Variants in BBS9 observed in about 807,000 individuals in gnomAD.
BBS9 encodes the protein Bardet-Biedl syndrome 9, also known as protein PTHB1.
A neutral mutation model predicts 117.7 loss-of-function variants in BBS9; 89 were observed. The observed-to-expected ratio is 0.76, with a 90% CI of 0.64 to 0.90. BBS9 has a LOEUF of 0.90. BBS9 is among the 40% of genes least tolerant of loss of function. The probability of loss-of-function intolerance (pLI) is 0.00; values close to 1 mark genes in which losing one functional copy is unlikely to be tolerated. For synonymous variants in BBS9, 379 were observed against 370.9 expected (o/e 1.02, Z -0.25); for missense variants, 982 against 1,042.2 (o/e 0.94, Z 0.80).
chr7:33,173,565 C>G (rs534811073), intron 4 of BBS9, among the ~76,000 whole-genome samples: 151 of 146,544 alleles, frequency 1.0e-3, no homozygotes, highest in Non-Finnish European at 1.6e-3. Context: ...GAGCGAGACT[C>G]CATCCTAAAA....
At chr7:33,543,404 G>C (rs777297640) in intron 21 of BBS9, among the ~76,000 whole-genome samples, 3 of 151,904 alleles carry the variant, frequency 2.0e-5, no homozygotes, top group Non-Finnish European at 4.4e-5. Context: ...CCACTCTGTG[G>C]GTTGTCTGTT....
chr7:33,563,636 T>G (rs959248802), intron 21 of BBS9, among the ~76,000 whole-genome samples: 2 of 152,212 alleles, frequency 1.3e-5, no homozygotes, highest in African/African-American at 4.8e-5. Flanking sequence ...TTTACGCATT[T>G]CAAAAGCAAC....
intron 19 of BBS9, among the ~76,000 whole-genome samples, chr7:33,410,238 C>G (rs974546397): frequency 2.4e-4 from 36 of 152,270 alleles, no homozygotes; most frequent in Admixed American, 2.2e-3. Flanking sequence ...TTCATGTTCC[C>G]TGTTCTCTTT....
intron 19 of BBS9, among the ~76,000 whole-genome samples, chr7:33,504,038 A>C (rs1286386644): frequency 6.6e-6 from 1 of 152,198 alleles, no homozygotes; most frequent in African/African-American, 2.4e-5. Context: ...GTTTCTTCCC[A>C]CTAATTGGCT....
intron 19 of BBS9, among the ~76,000 whole-genome samples, chr7:33,429,955 C>A (rs12668971): frequency 0.34 from 51,079 of 151,914 alleles, 9,663 homozygotes; most frequent in African/African-American, 0.51. Context: ...TCTAAGCCTG[C>A]ATTAGCTTGT....
intron 1 of BBS9, among the ~76,000 whole-genome samples, chr7:33,145,284 A>G (rs1010012647): frequency 2.0e-5 from 3 of 152,202 alleles, no homozygotes; most frequent in Non-Finnish European, 4.4e-5. Flanking sequence ...AAATAAATGA[A>G]CTGTTGTAGA....
chr7:33,285,220 A>G (rs1352269889), intron 9 of BBS9, among the ~76,000 whole-genome samples: 1 of 152,156 alleles, frequency 6.6e-6, no homozygotes, highest in Non-Finnish European at 1.5e-5. Flanking sequence ...TCTGGTTCAT[A>G]TAGAACTTGG....
chr7:33,321,832 A>G (rs145947000), intron 9 of BBS9, among the ~76,000 whole-genome samples: 131 of 152,158 alleles, frequency 8.6e-4, no homozygotes, highest in African/African-American at 2.9e-3. Flanking sequence ...TTTCCCATTC[A>G]GTATGATATT....
At chr7:33,569,788 T>A (rs1857494654) in intron 21 of BBS9, among the ~76,000 whole-genome samples, 1 of 151,928 alleles carries the variant, frequency 6.6e-6, no homozygotes. Context: ...ATAAAATAAA[T>A]GCAAAAATAA....
chr7:33,614,315 G>A (rs1188030777), intron 21 of BBS9, among the ~76,000 whole-genome samples: 2 of 152,008 alleles, frequency 1.3e-5, no homozygotes, highest in Non-Finnish European at 2.9e-5. Context: ...TGACTTTACA[G>A]GTGAATCCTA....
chr7:33,510,790 G>A (rs1195817657), intron 20 of BBS9, among the ~76,000 whole-genome samples: 1 of 152,224 alleles, frequency 6.6e-6, no homozygotes, highest in Non-Finnish European at 1.5e-5. Context: ...TTCCGTTATT[G>A]CAGAAAGTTC....
Position 33,477,733 on chromosome 7 carries a change from A to C in BBS9, c.2116-27730A>C, listed in dbSNP as rs189376403. On this transcript the variant is annotated intron_variant, in intron 19 of 22. Transcript: ENST00000242067. The stretch of plus-strand genomic sequence containing the variant: ...AAGTAAGTATAGCATTAGGTTGTTC[A>C]CCATAGATATATTATTGACCATAGG... 2.0e-3 allele frequency among the ~76,000 whole-genome samples: 303 copies of C among 152,314 alleles called. 1 individual carries two copies. The highest frequency in any genetic ancestry group is 7.1e-3 in the African/African-American group (297 of 41,578).
chr7:33,355,489 TA>T (rs2128679482), intron 15 of BBS9, among the ~76,000 whole-genome samples: 1 of 152,072 alleles, frequency 6.6e-6, no homozygotes, highest in African/African-American at 2.4e-5. Flanking sequence ...TCCCTAATGG[TA>T]AAACTTTTCA....
chr7:33,214,638 C>T (rs978619245), intron 5 of BBS9, among the ~76,000 whole-genome samples: 6 of 151,976 alleles, frequency 3.9e-5, no homozygotes, highest in African/African-American at 1.5e-4. Flanking sequence ...CTTAATTTAA[C>T]CAAATAAATG....
chr7:33,139,121 G>A (rs993059913), intron 1 of BBS9, among the ~76,000 whole-genome samples: 3 of 151,120 alleles, frequency 2.0e-5, no homozygotes, highest in East Asian at 4.4e-4. Context: ...GCGTGGTGGC[G>A]CATGCCTGTA....
intron 19 of BBS9, among the ~76,000 whole-genome samples, chr7:33,488,821 C>G (rs1843468982): frequency 6.6e-6 from 1 of 151,988 alleles, no homozygotes; most frequent in Non-Finnish European, 1.5e-5. Flanking sequence ...CAGTCTCTTC[C>G]ATTTTAGAGC....
At chr7:33,573,709 G>A (rs571455354) in intron 21 of BBS9, among the ~76,000 whole-genome samples, 1 of 152,232 alleles carries the variant, frequency 6.6e-6, no homozygotes, top group South Asian at 2.1e-4. Context: ...GCGCTCACTA[G>A]GGGTGTTACT....
At chr7:33,438,672 A>G (rs1238610207) in intron 19 of BBS9, among the ~76,000 whole-genome samples, 1 of 152,238 alleles carries the variant, frequency 6.6e-6, no homozygotes, top group Non-Finnish European at 1.5e-5. Context: ...TACATGGAGC[A>G]ATGACAAATT....
At chr7:33,278,222 G>A (rs1231341517) in intron 9 of BBS9, among the ~76,000 whole-genome samples, 1 of 152,172 alleles carries the variant, frequency 6.6e-6, no homozygotes, top group Admixed American at 6.5e-5. Flanking sequence ...CGAGGTGTAA[G>A]CTATGATATG....
Sources: allele counts gnomAD v4.1 joint callset (sites outside exome capture counted in the v4.1 genomes callset), GRCh38; gene constraint gnomAD v4.1.1; transcripts MANE v1.5; gene names NCBI Gene and HGNC (gene_info 2026-07-23, HGNC 2026-07-21).